Variants in SEPTIN4 observed in about 807,000 individuals in gnomAD.
The protein encoded by SEPTIN4 is septin 4.
A neutral mutation model predicts 107.1 loss-of-function variants in SEPTIN4; 52 were observed. The observed-to-expected ratio is 0.49, with a 90% CI of 0.39 to 0.61. SEPTIN4 has a LOEUF of 0.61. SEPTIN4 is among the 20% of genes least tolerant of loss of function. The probability of loss-of-function intolerance (pLI) is 0.00; values close to 1 mark genes in which losing one functional copy is unlikely to be tolerated. For synonymous variants in SEPTIN4, 417 were observed against 467.0 expected (o/e 0.89, Z 1.38); for missense variants, 1,048 against 1,243.5 (o/e 0.84, Z 2.36).
chr17:58,525,745 C>T lies in SEPTIN4; in HGVS notation c.2042G>A (p.Ser681Asn), dbSNP rs1193727960. The T allele has an allele frequency of 1.1e-5, 17 of 1,614,168 alleles. No individual in the cohort carries two copies. Among genetic ancestry groups the T allele is most frequent in the Non-Finnish European group, 1.4e-5 (17 of 1,180,028 alleles). ...SGLGKSTLVNSLFLTDLYRDR... is the reference protein window; with the variant it reads ...SGLGKSTLVNNLFLTDLYRDR... ...CCGGTACAGATCAGTGAGGAAGAGG[C>T]TATTGACAAGTGTGGATTTGCCCAG... is the stretch of plus-strand genomic sequence containing the variant. Residue 681 changes from serine to asparagine, a missense_variant, in exon 6 of 14, where the codon AGC (serine) becomes AAC (asparagine). By Grantham distance (46) the Ser-to-Asn change is conservative. Transcript: ENST00000672673.
chr17:58,526,505 TGGG>T, intron 4 of SEPTIN4, 174 bp downstream of exon 4: 1 of 1,395,928 alleles, frequency 7.2e-7, no homozygotes, highest in Non-Finnish European at 9.3e-7. Context: ...CCAGTGCCCT[TGGG>T]GGCAGATATC....
At chr17:58,532,277 G>A (rs1303126492) in intron 3 of SEPTIN4, 1 of 205,116 alleles carries the variant, frequency 4.9e-6, no homozygotes, top group Non-Finnish European at 9.1e-6. Flanking sequence ...CCTCGTCCCC[G>A]GGCTGCACTG....
In SEPTIN4 at chr17:58,520,294, C is replaced by G. The variant is rs1331070221; in HGVS notation, c.*132G>C. ...TTATTAAACTTTATTTCCTCTGAGT[C>G]TCTGGGCAGTCAGCAGGGATGTAAG... On this transcript the variant is annotated 3_prime_UTR_variant, in exon 14 of 14. Coordinates refer to ENST00000672673, the MANE Select transcript of SEPTIN4 (RefSeq NM_001368771.2). The G allele has an allele frequency of 2.7e-6, 2 of 745,062 alleles. No individual in the cohort carries two copies. Among genetic ancestry groups the G allele is most frequent in the East Asian group, 2.7e-5 (1 of 37,028 alleles). The allele number at this position is 745,062 out of a possible 1,614,324, so 46.2% of individuals were successfully genotyped here.
Position 58,531,189 on chromosome 17 carries a change from A to G in SEPTIN4, c.1615-4211T>C, listed in dbSNP as rs138996553. On this transcript the variant is annotated intron_variant, in intron 3 of 13. Coordinates refer to ENST00000672673, the MANE Select transcript of SEPTIN4 (RefSeq NM_001368771.2). Reference sequence around the variant, plus strand: ...AGCATCAAAAACTTCCTACCTGGGCACCTCCAGGGAGGCTGGCTGGGGTTA... The same window carrying G: ...AGCATCAAAAACTTCCTACCTGGGCGCCTCCAGGGAGGCTGGCTGGGGTTA... 1,404 of 152,322 alleles carry G rather than the reference A, an allele frequency of 9.2e-3. 9 individuals are homozygous for G. The highest frequency in any genetic ancestry group is 0.014 in the Non-Finnish European group (942 of 68,072). 9.4% of individuals were successfully genotyped at this position (152,322 alleles called of 1,614,324 possible). A position where few individuals can be genotyped will look rare whatever the true frequency, so the allele number is the denominator to read the frequency against.
At chr17:58,523,278 G>A (rs1470174294) in intron 7 of SEPTIN4, among the ~76,000 whole-genome samples, 2 of 151,868 alleles carry the variant, frequency 1.3e-5, no homozygotes, top group African/African-American at 2.4e-5. Flanking sequence ...GGGAGGTTGA[G>A]GTGGGAAGAT....
chr17:58,539,010 T>C (rs1598319112), intron 3 of SEPTIN4: 1 of 660,414 alleles, frequency 1.5e-6, no homozygotes, highest in East Asian at 3.1e-5. Context: ...AGCGTCTCCA[T>C]CCTGAGGCTG....
In SEPTIN4 at chr17:58,543,445, A is replaced by T. The variant is rs768344089; in HGVS notation, c.742T>A (p.Ser248Thr). The T allele has an allele frequency of 6.2e-7, 1 of 1,614,160 alleles. No individual in the cohort carries two copies. Among genetic ancestry groups the T allele is most frequent in the Admixed American group, 1.7e-5 (1 of 60,022 alleles). Reference sequence around the variant, plus strand: ...ATTGGACCGTAAGGACCTGTTTCTGATTCTTCTACAGGGACCCTTCTCTGG... The same window carrying T: ...ATTGGACCGTAAGGACCTGTTTCTGTTTCTTCTACAGGGACCCTTCTCTGG... The part of the protein sequence containing the change: ...TAQRRVPVEE[S>T]ETGPYGPIPS... The change falls in exon 1 of 14, where the codon TCA (serine) becomes ACA (threonine). Residue 248 changes from serine to threonine, a missense_variant. Transcript: ENST00000672673.
In SEPTIN4 at chr17:58,542,773, C is replaced by A; in HGVS notation, c.1414G>T (p.Asp472Tyr). The stretch of plus-strand genomic sequence containing the variant: ...GCCTTCTCTCTCTGGAACTTCAGAT[C>A]CTCACAGAAAGGGCTAGAGTCTATT... Reference protein sequence around the residue: ...FKIDSSPFCEDLKFQREKASL... With the variant: ...FKIDSSPFCEYLKFQREKASL... Residue 472 changes from aspartate to tyrosine, a missense_variant, in exon 1 of 14, where the codon GAT becomes TAT. Asp to Tyr is a radical substitution (Grantham distance 160). Around this residue, in one of 2 missense-constraint regions of SEPTIN4, gnomAD observed 787 missense variants for 871.8 expected, o/e 0.90. Transcript: ENST00000672673. The A allele has an allele frequency of 6.2e-7, 1 of 1,614,122 alleles. No individual in the cohort carries two copies. Among genetic ancestry groups the A allele is most frequent in the Non-Finnish European group, 8.5e-7 (1 of 1,180,034 alleles).
intron 3 of SEPTIN4, chr17:58,532,115 G>A: frequency 9.5e-7 from 1 of 1,053,752 alleles, no homozygotes; most frequent in Non-Finnish European, 1.1e-6. Flanking sequence ...GGCGGAGCGA[G>A]TCGGCCCCGG....
At position 58,532,146 on chromosome 17, in the gene SEPTIN4, T is replaced by G. The variant is rs933285424; in HGVS notation, c.1615-5168A>C. On this transcript the variant is annotated intron_variant, in intron 3 of 13. Coordinates refer to ENST00000672673, the MANE Select transcript of SEPTIN4 (RefSeq NM_001368771.2). ...CCCGGGGCGGGGCCTGTACCTCAGC[T>G]GCTAGCGGTGCCGGCGCGAAGTGGG... 29 of 1,030,306 alleles carry G rather than the reference T, an allele frequency of 2.8e-5. No individual in the cohort carries two copies. The African/African-American group carries it at 4.6e-4, about 16-fold the overall frequency. The allele number at this position is 1,030,306 out of a possible 1,614,324, so 63.8% of individuals were successfully genotyped here.
intron 3 of SEPTIN4, among the ~76,000 whole-genome samples, chr17:58,533,345 AG>A (rs1037412254): frequency 2.6e-5 from 4 of 152,342 alleles, no homozygotes; most frequent in Non-Finnish European, 5.9e-5. Flanking sequence ...TTCACCTGTC[AG>A]GGTCTCAATT....
At chr17:58,525,397 T>C in intron 6 of SEPTIN4, 196 bp from the exon 7 acceptor site, 3 of 683,328 alleles carry the variant, frequency 4.4e-6, no homozygotes, top group Non-Finnish European at 7.3e-6. Context: ...TGCCGGTGGC[T>C]GTTGGCTCTG....
In SEPTIN4 at chr17:58,521,782, T is replaced by C; in HGVS notation, c.2423A>G (p.Lys808Arg). The C allele has an allele frequency of 6.2e-7, 1 of 1,614,234 alleles. No homozygotes were observed. Among genetic ancestry groups the C allele is most frequent in the Non-Finnish European group, 8.5e-7 (1 of 1,180,030 alleles). ...TTCGGGAGGTGTCAGTGTGTCTGCC[T>C]TAGCCAGGATAGGCACGATGTTGAC... ...QRVNIVPILA[K>R]ADTLTPPEVD... Residue 808 changes from lysine to arginine, a missense_variant, in exon 9 of 14, where the codon AAG (lysine) becomes AGG (arginine). Coordinates refer to ENST00000672673, the MANE Select transcript of SEPTIN4 (RefSeq NM_001368771.2). This position sits in a 1 kb window ranked among gnomAD's most constrained non-coding sequence, Gnocchi z 6.4.
Position 58,526,317 on chromosome 17 carries a change from G to C in SEPTIN4, c.1912-4C>G. The stretch of plus-strand genomic sequence containing the variant: ...AGCCCACATACTCCTTGTCATCCTA[G>C]TAGACAGGAAGGCAGAATGCATCAC... On this transcript the variant is annotated splice_region_variant and splice_polypyrimidine_tract_variant and intron_variant, in intron 4 of 13. Transcript: ENST00000672673. The C allele has an allele frequency of 6.4e-7, 1 of 1,568,544 alleles. No individual in the cohort carries two copies. The highest frequency in any genetic ancestry group is 8.6e-7 in the Non-Finnish European group (1 of 1,158,244).
At chr17:58,529,493 G>T in intron 3 of SEPTIN4, 1 of 1,253,716 alleles carries the variant, frequency 8.0e-7, no homozygotes, top group Admixed American at 3.4e-5. Context: ...CCTGCCTGCT[G>T]CCTACCCTGG....
chr17:58,525,788 GGA>G lies in SEPTIN4; in HGVS notation c.2006-9_2006-8del. On this transcript the variant is annotated splice_polypyrimidine_tract_variant and splice_region_variant and intron_variant, in intron 5 of 13. Coordinates refer to ENST00000672673, the MANE Select transcript of SEPTIN4 (RefSeq NM_001368771.2). ...TTGCCCAGGCCAGACTCTCCTGAGA[GGA>G]GAGAGGACAGAGGCACCAAATCAGA... 6.2e-7 allele frequency: 1 copy of G among 1,612,274 alleles called. No individual in the cohort carries two copies.
In SEPTIN4 at chr17:58,521,540, C is replaced by T; in HGVS notation, c.2571+5G>A. 1.2e-6 allele frequency: 2 copies of T among 1,613,730 alleles called. No homozygotes were observed. The highest frequency in any genetic ancestry group is 1.7e-6 in the Non-Finnish European group (2 of 1,179,618). Reference sequence around the variant, plus strand: ...TAGGAATGGGATGCCCTAGAGTGGCCCCACCTTTAGGGCTTGGTCCTGCAA... The same window carrying T: ...TAGGAATGGGATGCCCTAGAGTGGCTCCACCTTTAGGGCTTGGTCCTGCAA... On this transcript the variant is annotated splice_donor_5th_base_variant and intron_variant, in intron 10 of 13. Transcript: ENST00000672673. The surrounding 1 kb of genome is among the most constrained non-coding windows in gnomAD (Gnocchi z 6.4).
At chr17:58,540,589 T>C (rs2043852588) in intron 3 of SEPTIN4, 77 bp downstream of exon 3, 10 of 1,195,650 alleles carry the variant, frequency 8.4e-6, no homozygotes, top group Non-Finnish European at 9.7e-6. Flanking sequence ...CCCACTCCCA[T>C]TACAGGACAG....
At chr17:58,529,541 C>T in intron 3 of SEPTIN4, 1 of 634,876 alleles carries the variant, frequency 1.6e-6, no homozygotes, top group South Asian at 7.0e-5. Flanking sequence ...TGTTTGCAGC[C>T]AGGCTTTTGA....
Sources: gnomAD v4.1 joint callset for allele counts (sites outside exome capture counted in the v4.1 genomes callset) on GRCh38, gnomAD v4.1.1 for gene constraint, gnomAD v4.1.1 regional missense constraint, Gnocchi (gnomAD v3.1) non-coding constraint, MANE v1.5 for transcripts, NCBI Gene and HGNC (gene_info 2026-07-23, HGNC 2026-07-21) for gene names.